The following CDC42EP4 variants were observed in gnomAD, a reference collection of about 807,000 sequenced individuals.
The protein encoded by CDC42EP4 is CDC42 effector protein 4, also known as CDC42 effector protein (Rho GTPase binding) 4.
A neutral mutation model predicts 5.6 loss-of-function variants in CDC42EP4; 6 were observed. That is an observed-to-expected ratio of 1.07 (90% CI 0.59 to 2.12). CDC42EP4 has a LOEUF of 2.12. Among genes scored for constraint, CDC42EP4 ranks in the 30% most tolerant of loss-of-function variants. The pLI is 0.00. For missense variants in CDC42EP4, 490 were observed against 508.6 expected (o/e 0.96, Z 0.35); for synonymous variants, 230 against 224.2 (o/e 1.03, Z -0.23).
At chr17:73,297,771 G>C (rs899290831) in intron 1 of CDC42EP4, among the ~76,000 whole-genome samples, 14 of 151,904 alleles carry the variant, frequency 9.2e-5, no homozygotes, top group African/African-American at 3.4e-4. Flanking sequence ...CAATTCTCCT[G>C]CCTCAGCCTC....
chr17:73,309,211 G>T (rs2062260866), intron 1 of CDC42EP4, among the ~76,000 whole-genome samples: 1 of 151,900 alleles, frequency 6.6e-6, no homozygotes, highest in Non-Finnish European at 1.5e-5. Context: ...GGCTGGGCGT[G>T]GTGGTGGGCG....
chr17:73,285,457 C>T lies in CDC42EP4; in HGVS notation c.1044G>A (p.Glu348=). 4 of 1,567,188 alleles carry T rather than the reference C, an allele frequency of 2.6e-6. No homozygotes were observed. The highest frequency in any genetic ancestry group is 2.3e-5 in the East Asian group (1 of 44,062). ...ACACACGGATTTCATCCTCCTCCTC[C>T]TCATCCATGAAGGAGAACTCCTTGT... ...QPDKEFSFMD[E]EEEDEIRV The change falls in exon 2 of 2, where the codon GAG becomes GAA. Residue 348 remains glutamate, a synonymous_variant. Transcript: ENST00000335793. This position sits in a 1 kb window ranked among gnomAD's most constrained non-coding sequence, Gnocchi z 6.8.
At chr17:73,297,180 G>A (rs1362198327) in intron 1 of CDC42EP4, among the ~76,000 whole-genome samples, 1 of 146,726 alleles carries the variant, frequency 6.8e-6, no homozygotes, top group African/African-American at 2.5e-5. Flanking sequence ...TGTAATCCCA[G>A]CTACTTGGGA....
At chr17:73,306,652 C>T (rs991905368) in intron 1 of CDC42EP4, 1 of 152,264 alleles carries the variant, frequency 6.6e-6, no homozygotes, top group South Asian at 2.1e-4. Context: ...GGGCTCTCTA[C>T]TCCTTGTACC....
In CDC42EP4 at chr17:73,285,480, T is replaced by C. The variant is rs750474255; in HGVS notation, c.1021A>G (p.Lys341Glu). ...TCCTCATCCATGAAGGAGAACTCCT[T>C]GTCTGGCTGTCTTGAGACAGCAGCC... is the stretch of plus-strand genomic sequence containing the variant. Reference protein sequence around the residue: ...ARAAVSRQPDKEFSFMDEEEE... With the variant: ...ARAAVSRQPDEEFSFMDEEEE... Residue 341 changes from lysine to glutamate, a missense_variant, in exon 2 of 2, where the codon AAG (lysine) becomes GAG (glutamate). By Grantham distance (56) the Lys-to-Glu change is moderately conservative. Coordinates refer to ENST00000335793, the MANE Select transcript of CDC42EP4 (RefSeq NM_012121.5). The surrounding 1 kb of genome is among the most constrained non-coding windows in gnomAD (Gnocchi z 6.8). The C allele has an allele frequency of 6.3e-7, 1 of 1,586,870 alleles. No homozygotes were observed. Among genetic ancestry groups the C allele is most frequent in the Admixed American group, 1.7e-5 (1 of 57,278 alleles).
chr17:73,294,464 C>T (rs954438329), intron 1 of CDC42EP4, among the ~76,000 whole-genome samples: 4 of 152,068 alleles, frequency 2.6e-5, no homozygotes, highest in Non-Finnish European at 5.9e-5. Context: ...CCTTAAAATA[C>T]CTGGGTGTGG....
chr17:73,304,277 C>CTTTTTT (rs3064764), intron 1 of CDC42EP4, among the ~76,000 whole-genome samples: 6 of 135,960 alleles, frequency 4.4e-5, no homozygotes, highest in South Asian at 2.3e-4. Flanking sequence ...TCTTCTTCTT[C>CTTTTTT]TTTTTTTTTT....
chr17:73,292,159 G>T (rs888227486), intron 1 of CDC42EP4, among the ~76,000 whole-genome samples: 1 of 152,254 alleles, frequency 6.6e-6, no homozygotes, highest in Non-Finnish European at 1.5e-5. Context: ...GGTTCACCCC[G>T]GTATACAGGG....
At chr17:73,297,345 G>A (rs1161489779) in intron 1 of CDC42EP4, among the ~76,000 whole-genome samples, 4 of 149,730 alleles carry the variant, frequency 2.7e-5, no homozygotes, top group East Asian at 4.0e-4. Context: ...GTTGTGGCGC[G>A]TGCCTGTAAT....
intron 1 of CDC42EP4, among the ~76,000 whole-genome samples, chr17:73,301,505 G>T (rs978434792): frequency 1.3e-5 from 2 of 152,100 alleles, no homozygotes; most frequent in African/African-American, 2.4e-5. Flanking sequence ...TCCATTTTCA[G>T]TTGAAACTCT....
chr17:73,305,215 G>A (rs1449582322), intron 1 of CDC42EP4, among the ~76,000 whole-genome samples: 1 of 152,216 alleles, frequency 6.6e-6, no homozygotes, highest in African/African-American at 2.4e-5. Flanking sequence ...GGAAATGTGT[G>A]CTTCCCGGAG....
intron 1 of CDC42EP4, among the ~76,000 whole-genome samples, chr17:73,305,591 G>A (rs933450654): frequency 6.6e-6 from 1 of 152,208 alleles, no homozygotes; most frequent in Non-Finnish European, 1.5e-5. Flanking sequence ...GGGACAAAGA[G>A]CCCCACTCCC....
chr17:73,293,233 T>C (rs1390465930), intron 1 of CDC42EP4, among the ~76,000 whole-genome samples: 2 of 152,170 alleles, frequency 1.3e-5, no homozygotes, highest in Non-Finnish European at 1.5e-5. Flanking sequence ...TCTGTGTATC[T>C]GGAAGCTCCC....
rs2062123651 is a variant in CDC42EP4 at position 73,285,092 on chromosome 17, C to G, written c.*338G>C. 5.4e-6 allele frequency: 1 copy of G among 184,996 alleles called. No individual in the cohort carries two copies. The highest frequency in any genetic ancestry group is 5.8e-5 in the Admixed American group (1 of 17,184). The allele number at this position is 184,996 out of a possible 1,614,324, so 11.5% of individuals were successfully genotyped here. A position where few individuals can be genotyped will look rare whatever the true frequency, so the allele number is the denominator to read the frequency against. ...ACCCGCTGGCTGTACGTGGCCAGAA[C>G]TGGGGTTGGCATCTGGCATCCATTT... On this transcript the variant is annotated 3_prime_UTR_variant, in exon 2 of 2. Transcript: ENST00000335793. The surrounding 1 kb of genome is among the most constrained non-coding windows in gnomAD (Gnocchi z 6.8).
At chr17:73,288,145 G>GC (rs1181174826) in intron 1 of CDC42EP4, among the ~76,000 whole-genome samples, 1 of 152,098 alleles carries the variant, frequency 6.6e-6, no homozygotes, top group Non-Finnish European at 1.5e-5. Flanking sequence ...GCCACCACCT[G>GC]CCCCCCACGG....
At chr17:73,302,202 G>A (rs1260782099) in intron 1 of CDC42EP4, among the ~76,000 whole-genome samples, 3 of 152,196 alleles carry the variant, frequency 2.0e-5, no homozygotes, top group Admixed American at 6.5e-5. Context: ...TACCTTACAG[G>A]CTCTAAGCAA....
chr17:73,291,739 A>AG (rs2062162329), intron 1 of CDC42EP4, among the ~76,000 whole-genome samples: 1 of 152,002 alleles, frequency 6.6e-6, no homozygotes, highest in African/African-American at 2.4e-5. Flanking sequence ...TGGCAGGGAG[A>AG]GGGAAAATGG....
chr17:73,299,429 TAA>T (rs1286695604), intron 1 of CDC42EP4, among the ~76,000 whole-genome samples: 4 of 113,304 alleles, frequency 3.5e-5, no homozygotes, highest in Admixed American at 2.0e-4. Context: ...GACTCCGTCC[TAA>T]AAAAAAAAAA....
intron 1 of CDC42EP4, among the ~76,000 whole-genome samples, chr17:73,291,593 G>A (rs749699987): frequency 6.6e-5 from 10 of 152,116 alleles, no homozygotes; most frequent in South Asian, 2.1e-4. Flanking sequence ...GGCTTTGGGC[G>A]GGGCTTTCAG....
Sources: allele counts gnomAD v4.1 joint callset (sites outside exome capture counted in the v4.1 genomes callset), GRCh38; gene constraint gnomAD v4.1.1; non-coding constraint Gnocchi (gnomAD v3.1); transcripts MANE v1.5; gene names NCBI Gene and HGNC (gene_info 2026-07-23, HGNC 2026-07-21).